ANO2: variants seen among roughly 807,000 people sequenced by gnomAD.
ANO2 encodes anoctamin 2.
In ANO2, 101 loss-of-function variants were observed where a neutral mutation model predicts 124.2. The observed-to-expected ratio is 0.81, with a 90% confidence interval of 0.69 to 0.96. ANO2 has a LOEUF of 0.96. ANO2 is among the 40% of genes least tolerant of loss of function. ANO2 has a pLI of 0.00. For synonymous variants in ANO2, 486 were observed against 482.5 expected (o/e 1.01, Z -0.09); for missense variants, 1,293 against 1,274.5 (o/e 1.01, Z -0.22).
chr12:5,795,549 C>T (rs1442867250), intron 10 of ANO2, among the ~76,000 whole-genome samples: 6 of 152,204 alleles, frequency 3.9e-5, no homozygotes, highest in Non-Finnish European at 8.8e-5. Context: ...GAGCTGAGTA[C>T]AGTTCTAGAA....
chr12:5,922,772 G>T lies in ANO2; in HGVS notation c.55C>A (p.Leu19Met). 6.5e-7 allele frequency: 1 copy of T among 1,547,460 alleles called. No homozygotes were observed. The change falls in exon 2 of 25, where the codon CTG (leucine) becomes ATG (methionine). Residue 19 changes from leucine (L) to methionine (M), a missense_variant. Physicochemically the swap from Leu to Met is conservative, Grantham distance 15. Coordinates refer to ENST00000682330, the MANE Select transcript of ANO2 (RefSeq NM_001364791.2). ...CCTCTGGACCCTGCCTGAGGGCTCA[G>T]CCGGCGTGGGGAGCCAGGGAGCAGG... ...IPLLPGSPRR[L>M]SPQAGSRGGQ...
chr12:5,649,067 A>G (rs1025972947), intron 14 of ANO2, among the ~76,000 whole-genome samples: 8 of 152,202 alleles, frequency 5.3e-5, no homozygotes, highest in Non-Finnish European at 1.0e-4. Flanking sequence ...GAAAATTGAC[A>G]TGATCACTAC....
chr12:5,565,777 A>G (rs1257205192), intron 23 of ANO2, 114 bp from the exon 24 acceptor site: 6 of 803,942 alleles, frequency 7.5e-6, no homozygotes, highest in Non-Finnish European at 1.2e-5. Context: ...TGCCCTTGGC[A>G]TTGACTTGAG....
At chr12:5,857,719 A>T (rs1955142395) in intron 3 of ANO2, among the ~76,000 whole-genome samples, 1 of 152,086 alleles carries the variant, frequency 6.6e-6, no homozygotes, top group South Asian at 2.1e-4. Context: ...TAATTAGATT[A>T]TTTGTTGAAT....
Position 5,650,057 on chromosome 12 carries a change from G to A in ANO2, c.1546-2256C>T, listed in dbSNP as rs80221790. 7.9e-5 allele frequency among the ~76,000 whole-genome samples: 12 copies of A among 152,278 alleles called. No homozygotes were observed. In the East Asian group the frequency reaches 2.1e-3, roughly 27 times the overall value. On this transcript the variant is annotated intron_variant, in intron 14 of 24. Transcript: ENST00000682330. ...AGGGATTCTGAAGAGAAATTTGAGGGGCCAGGGAGGGACTTTTCCTGAGTC... is the reference window on the plus strand; with the variant it reads ...AGGGATTCTGAAGAGAAATTTGAGGAGCCAGGGAGGGACTTTTCCTGAGTC...
intron 1 of ANO2, among the ~76,000 whole-genome samples, chr12:5,928,449 C>T (rs1234104934): frequency 6.1e-5 from 6 of 98,736 alleles, no homozygotes; most frequent in Non-Finnish European, 9.7e-5. Flanking sequence ...TTTCCTTCCT[C>T]CGTAGTCTAC....
chr12:5,644,539 C>T (rs1389020497), intron 15 of ANO2, among the ~76,000 whole-genome samples: 2 of 152,190 alleles, frequency 1.3e-5, no homozygotes, highest in Admixed American at 6.5e-5. Flanking sequence ...TTATTGTCCA[C>T]CCAACTTACA....
Position 5,799,501 on chromosome 12 carries a change from T to G in ANO2, c.1055+6A>C. 1 of 1,613,218 alleles carries G rather than the reference T, an allele frequency of 6.2e-7. No individual in the cohort carries two copies. The highest frequency in any genetic ancestry group is 1.3e-5 in the African/African-American group (1 of 75,026). On this transcript the variant is annotated splice_donor_region_variant and intron_variant, in intron 10 of 24. Coordinates refer to ENST00000682330, the MANE Select transcript of ANO2 (RefSeq NM_001364791.2). ...ATACTTCCAAAAGTTCCCTACCACC[T>G]CTTACCTGATGAGGTCAATAGGTTG...
At chr12:5,671,833 A>C (rs1948020300) in intron 14 of ANO2, among the ~76,000 whole-genome samples, 1 of 152,218 alleles carries the variant, frequency 6.6e-6, no homozygotes, top group African/African-American at 2.4e-5. Context: ...CCATTAATGC[A>C]GTCACCTAAT....
intron 4 of ANO2, among the ~76,000 whole-genome samples, chr12:5,837,437 A>C: frequency 2.1e-5 from 3 of 143,208 alleles, no homozygotes; most frequent in Non-Finnish European, 4.5e-5. Flanking sequence ...CTAACTCGTC[A>C]TCTAGCATTA....
chr12:5,885,150 GC>G (rs1938798144), intron 3 of ANO2, among the ~76,000 whole-genome samples: 1 of 152,192 alleles, frequency 6.6e-6, no homozygotes, highest in Non-Finnish European at 1.5e-5. Flanking sequence ...GAAGCCAGTG[GC>G]AGCCACCACC....
Position 5,615,204 on chromosome 12 carries a change from A to G in ANO2, c.1910T>C (p.Val637Ala). ...FVNAYSPIFY[V>A]AFFKGRFVGR... ...TACTCACCTCCCTTTGAAAAAGGCC[A>G]CATAGAAGATGGGGGAGTAGGCATT... The change falls in exon 17 of 25, where the codon GTG (valine) becomes GCG (alanine). Residue 637 changes from valine (V) to alanine (A), a missense_variant. Transcript: ENST00000682330. The G allele has an allele frequency of 6.2e-7, 1 of 1,613,564 alleles. No homozygotes were observed. The highest frequency in any genetic ancestry group is 8.5e-7 in the Non-Finnish European group (1 of 1,179,736).
At chr12:5,817,479 T>A (rs1953647290) in intron 7 of ANO2, among the ~76,000 whole-genome samples, 1 of 151,556 alleles carries the variant, frequency 6.6e-6, no homozygotes, top group Non-Finnish European at 1.5e-5. Context: ...GCCTTAGGAG[T>A]CTAAGCCACG....
chr12:5,704,837 A>G (rs1278822487), intron 14 of ANO2, among the ~76,000 whole-genome samples: 2 of 152,250 alleles, frequency 1.3e-5, no homozygotes, highest in Non-Finnish European at 2.9e-5. Flanking sequence ...AAGGAACTGC[A>G]TGCAAAGAAA....
At chr12:5,695,873 C>T (rs1663586764) in intron 14 of ANO2, among the ~76,000 whole-genome samples, 1 of 151,932 alleles carries the variant, frequency 6.6e-6, no homozygotes, top group African/African-American at 2.4e-5. Context: ...ATAAAATAAC[C>T]CATAGAATAA....
chr12:5,761,606 A>G (rs984688680), intron 10 of ANO2, among the ~76,000 whole-genome samples: 3 of 152,218 alleles, frequency 2.0e-5, no homozygotes, highest in Non-Finnish European at 2.9e-5. Flanking sequence ...CTATATGTTC[A>G]CATATGTTTA....
At chr12:5,890,915 C>T (rs1027138601) in intron 3 of ANO2, among the ~76,000 whole-genome samples, 6 of 152,124 alleles carry the variant, frequency 3.9e-5, no homozygotes, top group African/African-American at 1.4e-4. Flanking sequence ...TTTGCCTTTC[C>T]CATATTTTAC....
intron 14 of ANO2, among the ~76,000 whole-genome samples, chr12:5,698,018 C>T (rs1011471607): frequency 1.3e-5 from 2 of 152,242 alleles, no homozygotes; most frequent in Non-Finnish European, 2.9e-5. Flanking sequence ...CTGTAGACTC[C>T]ACCTCTGGGG....
At chr12:5,804,006 T>C (rs1953120505) in intron 9 of ANO2, among the ~76,000 whole-genome samples, 1 of 152,114 alleles carries the variant, frequency 6.6e-6, no homozygotes, top group Non-Finnish European at 1.5e-5. Flanking sequence ...TGGGACACCA[T>C]GGCAAATAAT....
Sources: allele counts gnomAD v4.1 joint callset (sites outside exome capture counted in the v4.1 genomes callset), GRCh38; gene constraint gnomAD v4.1.1; transcripts MANE v1.5; gene names NCBI Gene and HGNC (gene_info 2026-07-23, HGNC 2026-07-21).